Variants in DAP observed in about 807,000 individuals in gnomAD.
The protein encoded by DAP is death associated protein.
In DAP, 8 loss-of-function variants were observed where a neutral mutation model predicts 13.8. That is an observed-to-expected ratio of 0.58 (90% CI 0.34 to 1.05). The LOEUF (loss-of-function observed/expected upper bound fraction) is 1.05. Ranked by LOEUF, DAP falls within the 50% of genes least tolerant of loss-of-function variation. The pLI is 0.03. For missense variants in DAP, 106 were observed against 133.2 expected (o/e 0.80, Z 1.01); for synonymous variants, 47 against 47.5 (o/e 0.99, Z 0.04).
At chr5:10,745,534 G>C (rs990470272) in intron 2 of DAP, among the ~76,000 whole-genome samples, 1 of 152,132 alleles carries the variant, frequency 6.6e-6, no homozygotes, top group African/African-American at 2.4e-5. Context: ...TGGGGTGCTC[G>C]ATCTTTCCTC....
chr5:10,735,052 C>T (rs1293459246), intron 2 of DAP, among the ~76,000 whole-genome samples: 2 of 152,240 alleles, frequency 1.3e-5, no homozygotes, highest in Non-Finnish European at 2.9e-5. Flanking sequence ...ATCTGGTTAA[C>T]GGGGTAATGA....
At chr5:10,731,717 T>C (rs1454908958) in intron 2 of DAP, among the ~76,000 whole-genome samples, 2 of 152,200 alleles carry the variant, frequency 1.3e-5, no homozygotes, top group African/African-American at 4.8e-5. Flanking sequence ...GTCACCTGAT[T>C]CTGGCCAATG....
chr5:10,748,744 C>A (rs573379349), intron 1 of DAP, among the ~76,000 whole-genome samples: 1 of 152,352 alleles, frequency 6.6e-6, no homozygotes, highest in Admixed American at 6.5e-5. Flanking sequence ...CAAGTGGCAA[C>A]AAAACTTCTA....
At chr5:10,741,555 G>A (rs973272236) in intron 2 of DAP, among the ~76,000 whole-genome samples, 1 of 152,180 alleles carries the variant, frequency 6.6e-6, no homozygotes, top group African/African-American at 2.4e-5. Context: ...GAAGTATACT[G>A]TTGTAAGTTT....
intron 2 of DAP, 91 bp from the exon 3 acceptor site, chr5:10,683,662 C>T: frequency 3.2e-6 from 4 of 1,263,392 alleles, no homozygotes; most frequent in Non-Finnish European, 4.6e-6. Context: ...ATGAGCCAGG[C>T]TGGAGGGCGT....
At chr5:10,741,885 T>G (rs1397012930) in intron 2 of DAP, among the ~76,000 whole-genome samples, 1 of 152,374 alleles carries the variant, frequency 6.6e-6, no homozygotes, top group East Asian at 1.9e-4. Context: ...TTTCATACTG[T>G]ACACAATGTG....
intron 2 of DAP, among the ~76,000 whole-genome samples, chr5:10,700,728 GC>G (rs1289153995): frequency 6.6e-6 from 1 of 152,220 alleles, no homozygotes; most frequent in African/African-American, 2.4e-5. Context: ...CCCAGATGGG[GC>G]CGGCCTTGCT....
chr5:10,739,703 T>C (rs1043120110), intron 2 of DAP, among the ~76,000 whole-genome samples: 7 of 152,106 alleles, frequency 4.6e-5, no homozygotes, highest in African/African-American at 1.7e-4. Flanking sequence ...CTACCTTCAA[T>C]TAATTTGATA....
chr5:10,738,180 T>C (rs1173118630), intron 2 of DAP, among the ~76,000 whole-genome samples: 1 of 152,226 alleles, frequency 6.6e-6, no homozygotes, highest in Non-Finnish European at 1.5e-5. Context: ...GGTTGTGGCA[T>C]TTTGTTAAGG....
At chr5:10,747,453 A>T (rs1036280942) in intron 2 of DAP, among the ~76,000 whole-genome samples, 1 of 152,188 alleles carries the variant, frequency 6.6e-6, no homozygotes, top group African/African-American at 2.4e-5. Flanking sequence ...TCATAAGGGC[A>T]TGGCCTTGTA....
At chr5:10,729,357 C>T (rs1739378545) in intron 2 of DAP, among the ~76,000 whole-genome samples, 1 of 152,214 alleles carries the variant, frequency 6.6e-6, no homozygotes, top group South Asian at 2.1e-4. Context: ...TCTACTCCAT[C>T]ATCTTAGCTT....
intron 2 of DAP, among the ~76,000 whole-genome samples, chr5:10,694,988 C>G (rs1041459191): frequency 6.6e-6 from 1 of 152,174 alleles, no homozygotes; most frequent in African/African-American, 2.4e-5. Flanking sequence ...CCCAGTAAGT[C>G]GATGGAAAAC....
chr5:10,715,994 C>A (rs1738976860), intron 2 of DAP, among the ~76,000 whole-genome samples: 1 of 152,226 alleles, frequency 6.6e-6, no homozygotes, highest in Non-Finnish European at 1.5e-5. Context: ...ATGTGAGTAT[C>A]AACCCAGGGC....
At chr5:10,743,711 T>C (rs1409161264) in intron 2 of DAP, among the ~76,000 whole-genome samples, 2 of 152,142 alleles carry the variant, frequency 1.3e-5, no homozygotes, top group South Asian at 4.1e-4. Context: ...CTTATGACAC[T>C]CGACAAAAGG....
At chr5:10,718,223 T>G (rs1213158129) in intron 2 of DAP, among the ~76,000 whole-genome samples, 1 of 152,218 alleles carries the variant, frequency 6.6e-6, no homozygotes, top group Non-Finnish European at 1.5e-5. Flanking sequence ...ATTGTGGTCC[T>G]CAGTTAAAGT....
At chr5:10,697,965 C>T (rs536132467) in intron 2 of DAP, among the ~76,000 whole-genome samples, 1 of 152,286 alleles carries the variant, frequency 6.6e-6, no homozygotes, top group African/African-American at 2.4e-5. Context: ...TAGCAAGAAT[C>T]AAAGCCTGGC....
At chr5:10,702,133 G>C (rs1738594867) in intron 2 of DAP, among the ~76,000 whole-genome samples, 1 of 152,192 alleles carries the variant, frequency 6.6e-6, no homozygotes, top group East Asian at 1.9e-4. Flanking sequence ...TCCCCTTCAA[G>C]GTCAAGGACC....
At chr5:10,711,810 G>A (rs1026667406) in intron 2 of DAP, among the ~76,000 whole-genome samples, 2 of 152,196 alleles carry the variant, frequency 1.3e-5, no homozygotes, top group Non-Finnish European at 2.9e-5. Flanking sequence ...GTTTTTCATT[G>A]AAAAATGACA....
In DAP at chr5:10,721,526, A is replaced by G. The variant is rs116501454; in HGVS notation, c.152+26649T>C. Among the ~76,000 whole-genome samples the G allele has an allele frequency of 4.8e-3, 730 of 152,272 alleles. 9 individuals carry two copies. The highest frequency in any genetic ancestry group is 0.017 in the African/African-American group (701 of 41,518). On this transcript the variant is annotated intron_variant, in intron 2 of 3. Coordinates refer to ENST00000230895, the MANE Select transcript of DAP (RefSeq NM_004394.3). ...AAATCAGTCTACAACTCCACAACAG[A>G]GATAAGGAAGAGTATGCATGGAATA...
Sources: gnomAD v4.1 joint callset for allele counts (sites outside exome capture counted in the v4.1 genomes callset) on GRCh38, gnomAD v4.1.1 for gene constraint, MANE v1.5 for transcripts, NCBI Gene and HGNC (gene_info 2026-07-23, HGNC 2026-07-21) for gene names.